BTNL9: variants seen among roughly 807,000 people sequenced by gnomAD.
BTNL9 encodes the protein butyrophilin like 9.
BTNL9 carries 45 observed loss-of-function variants against 45.8 expected under a neutral mutation model. The observed-to-expected ratio is 0.98, with a 90% CI of 0.77 to 1.26. The LOEUF (loss-of-function observed/expected upper bound fraction) is 1.26. BTNL9 is among the 50% of genes most tolerant of loss of function. The pLI, the probability that BTNL9 is intolerant of heterozygous loss-of-function variation, is 0.00. For missense variants in BTNL9, 784 were observed against 729.7 expected (o/e 1.07, Z -0.86); for synonymous variants, 346 against 330.8 (o/e 1.05, Z -0.50).
rs370200512 is a variant in BTNL9 at position 181,054,574 on chromosome 5, C to A, written c.907+315C>A. Reference sequence around the variant, plus strand: ...ATCCTTTTCTTTTTAATGCAAATGGCACTAGGAAGGGTGGCACCTTTAATT... The same window carrying A: ...ATCCTTTTCTTTTTAATGCAAATGGAACTAGGAAGGGTGGCACCTTTAATT... On this transcript the variant is annotated intron_variant, in intron 7 of 10. Transcript: ENST00000327705. 3.2e-5 allele frequency: 32 copies of A among 985,424 alleles called. No individual in the cohort carries two copies. The East Asian group carries it at 3.5e-3, about 108-fold the overall frequency. The allele number at this position is 985,424 out of a possible 1,614,324, so 61.0% of individuals were successfully genotyped here.
At chr5:181,054,139 A>G in intron 6 of BTNL9, 100 bp from the exon 7 acceptor site, 1 of 1,576,692 alleles carries the variant, frequency 6.3e-7, no homozygotes, top group Non-Finnish European at 8.6e-7. Context: ...GCCGCATCGG[A>G]GGTGAGGCCT....
rs1762063802 is a variant in BTNL9, at chr5:181,059,563, C to A, written c.1309C>A (p.Arg437Ser). ...CGAGTACTTCGTCCTGGCCCCGCAC[C>A]GCGTCGCGCTCACCCTGCGCGTGCC... ...GCEYFVLAPHRVALTLRVPPR... is the reference protein window; with the variant it reads ...GCEYFVLAPHSVALTLRVPPR... The change falls in exon 11 of 11, where the codon CGC becomes AGC. Residue 437 changes from arginine (R) to serine (S), a missense_variant. Transcript: ENST00000327705. 6.2e-7 allele frequency: 1 copy of A among 1,611,416 alleles called. No homozygotes were observed. Among genetic ancestry groups the A allele is most frequent in the Non-Finnish European group, 8.5e-7 (1 of 1,179,510 alleles).
In BTNL9 at chr5:181,055,155, C is replaced by T. The variant is rs1014434198; in HGVS notation, c.908-278C>T. On this transcript the variant is annotated intron_variant, in intron 7 of 10. Coordinates refer to ENST00000327705, the MANE Select transcript of BTNL9 (RefSeq NM_152547.5). The surrounding 1 kb of genome is among the most constrained non-coding windows in gnomAD (Gnocchi z 4.4). ...TTTCAGGCAGAAGGAACAACCCCAA[C>T]CCTGGGAAGAGGCCTGTCAGTACTA... 5.6e-6 allele frequency: 7 copies of T among 1,257,880 alleles called. No individual in the cohort carries two copies. The African/African-American group carries it at 7.7e-5, about 14-fold the overall frequency. The allele number at this position is 1,257,880 out of a possible 1,614,324, so 77.9% of individuals were successfully genotyped here.
At position 181,059,223 on chromosome 5, in the gene BTNL9, GT is replaced by G. The variant is rs1762033837; in HGVS notation, c.983-13del. On this transcript the variant is annotated splice_polypyrimidine_tract_variant and intron_variant, in intron 10 of 10. Transcript: ENST00000327705. ...ACCGTCCCGGGCGGGCACTAACGCT[GT>G]GGCTCTGCGCAGTGGATGTGACGCT... 11 of 1,525,790 alleles carry G rather than the reference GT, an allele frequency of 7.2e-6. No homozygotes were observed. The highest frequency in any genetic ancestry group is 1.4e-5 in the African/African-American group (1 of 71,078). The allele number at this position is 1,525,790 out of a possible 1,614,324, so 94.5% of individuals were successfully genotyped here.
chr5:181,046,550 C>G (rs1378910665), intron 2 of BTNL9, among the ~76,000 whole-genome samples: 3 of 152,162 alleles, frequency 2.0e-5, no homozygotes, highest in African/African-American at 7.2e-5. Flanking sequence ...ATTTCCTGGG[C>G]TGGAAACCAG....
Position 181,053,623 on chromosome 5 carries a change from G to C in BTNL9, c.886+122G>C, listed in dbSNP as rs1293656757. 2.1e-5 allele frequency: 33 copies of C among 1,545,734 alleles called. No homozygotes were observed. The highest frequency in any genetic ancestry group is 2.6e-5 in the Non-Finnish European group (30 of 1,143,820). ...CGCGAGGTGTCAGGGCGGCCACCGG[G>C]GAACGGGGATCGGTGACCCCGGTGG... On this transcript the variant is annotated intron_variant, in intron 6 of 10. Transcript: ENST00000327705. This position sits in a 1 kb window ranked among gnomAD's most constrained non-coding sequence, Gnocchi z 6.5.
In BTNL9 at chr5:181,058,385, G is replaced by A; in HGVS notation, c.982+7G>A. On this transcript the variant is annotated splice_region_variant and intron_variant, in intron 10 of 10. Transcript: ENST00000327705. ...GCAGCCCAAAAATATGCAGGTAACT[G>A]AAGCCAGGAAACTGATTTGTGTTTT... The A allele has an allele frequency of 6.2e-7, 1 of 1,614,114 alleles. No homozygotes were observed. The highest frequency in any genetic ancestry group is 8.5e-7 in the Non-Finnish European group (1 of 1,180,000).
Position 181,045,479 on chromosome 5 carries a change from G to A in BTNL9, c.-11G>A, listed in dbSNP as rs1457577857. The A allele has an allele frequency of 1.9e-6, 3 of 1,584,726 alleles. No homozygotes were observed. The highest frequency in any genetic ancestry group is 2.6e-6 in the Non-Finnish European group (3 of 1,153,990). On this transcript the variant is annotated 5_prime_UTR_variant, in exon 2 of 11. Transcript: ENST00000327705. Reference sequence around the variant, plus strand: ...TGTCCCTCTCCAGGTGGCCCCCACTGCTGACGAGAGATGGTGGACCTCTCA... The same window carrying A: ...TGTCCCTCTCCAGGTGGCCCCCACTACTGACGAGAGATGGTGGACCTCTCA...
Position 181,055,419 on chromosome 5 carries a change from T to C in BTNL9, c.908-14T>C, listed in dbSNP as rs748742004. On this transcript the variant is annotated splice_polypyrimidine_tract_variant and intron_variant, in intron 7 of 10. Coordinates refer to ENST00000327705, the MANE Select transcript of BTNL9 (RefSeq NM_152547.5). This position sits in a 1 kb window ranked among gnomAD's most constrained non-coding sequence, Gnocchi z 4.4. ...CCTGCAGGCTGAAGTTTTCTTTGTG[T>C]GTTCTGCTTGCAGAAAAGCTTCAGA... 6.2e-7 allele frequency: 1 copy of C among 1,614,040 alleles called. No individual in the cohort carries two copies. The highest frequency in any genetic ancestry group is 2.2e-5 in the East Asian group (1 of 44,886).
chr5:181,058,087 A>T (rs766450600), intron 9 of BTNL9, among the ~76,000 whole-genome samples: 4 of 152,050 alleles, frequency 2.6e-5, no homozygotes, highest in African/African-American at 4.8e-5. Context: ...CTTTACCTAC[A>T]TGCTCCACTC....
At position 181,045,032 on chromosome 5, in the gene BTNL9, C is replaced by T. The variant is rs186798052; in HGVS notation, c.-23-435C>T. Among the ~76,000 whole-genome samples the T allele has an allele frequency of 6.6e-5, 10 of 152,182 alleles. No individual in the cohort carries two copies. The East Asian group carries it at 1.9e-3, about 29-fold the overall frequency. The stretch of plus-strand genomic sequence containing the variant: ...TGTTCCAGACCAAAGGGAAGTGGGA[C>T]GAAGGTTGGGTTGGTGGTGGTGAGG... On this transcript the variant is annotated intron_variant, in intron 1 of 10. Transcript: ENST00000327705.
intron 2 of BTNL9, among the ~76,000 whole-genome samples, chr5:181,046,698 C>T (rs558259240): frequency 1.4e-5 from 2 of 143,876 alleles, no homozygotes; most frequent in African/African-American, 2.8e-5. Flanking sequence ...AGAGAGAGAG[C>T]GAGAGAGAGA....
intron 9 of BTNL9, among the ~76,000 whole-genome samples, 192 bp from the exon 10 acceptor site, chr5:181,058,160 T>TA (rs1761980427): frequency 6.6e-6 from 1 of 152,198 alleles, no homozygotes; most frequent in African/African-American, 2.4e-5. Context: ...CACAGGCCTC[T>TA]ACTCAATCTA....
At chr5:181,047,829 T>G (rs1232162411) in intron 2 of BTNL9, 98 bp from the exon 3 acceptor site, 4 of 1,087,770 alleles carry the variant, frequency 3.7e-6, no homozygotes, top group Admixed American at 2.7e-5. Context: ...TTCTTGTTTT[T>G]ATGGTTTACT....
At chr5:181,046,603 C>G (rs970793778) in intron 2 of BTNL9, among the ~76,000 whole-genome samples, 2 of 152,008 alleles carry the variant, frequency 1.3e-5, no homozygotes, top group African/African-American at 2.4e-5. Context: ...CTTCAGCAGT[C>G]TGTAGTCAAG....
intron 3 of BTNL9, among the ~76,000 whole-genome samples, chr5:181,048,851 A>G: frequency 7.4e-6 from 1 of 135,776 alleles, no homozygotes; most frequent in Non-Finnish European, 1.5e-5. Flanking sequence ...TTAGTTATAT[A>G]ATATTATATA....
In BTNL9 at chr5:181,050,379, TGTTA is replaced by T. The variant is rs763589916; in HGVS notation, c.736+12_736+15del. On this transcript the variant is annotated intron_variant, in intron 4 of 10. Coordinates refer to ENST00000327705, the MANE Select transcript of BTNL9 (RefSeq NM_152547.5). The surrounding 1 kb of genome is among the most constrained non-coding windows in gnomAD (Gnocchi z 4.9). ...GTGGTCCAGATAGCAGGTCAGTGGC[TGTTA>T]GCTCACACCCATCTTCCTAGTCCTC... 2 of 1,613,174 alleles carry T rather than the reference TGTTA, an allele frequency of 1.2e-6. No individual in the cohort carries two copies. Among genetic ancestry groups the T allele is most frequent in the Non-Finnish European group, 1.7e-6 (2 of 1,179,530 alleles).
At chr5:181,044,143 C>G (rs1760957418) in intron 1 of BTNL9, among the ~76,000 whole-genome samples, 1 of 152,158 alleles carries the variant, frequency 6.6e-6, no homozygotes, top group African/African-American at 2.4e-5. Context: ...CTGGGTGCCT[C>G]CTAGCCTAAG....
chr5:181,048,363 G>A (rs1007057118), intron 3 of BTNL9, 92 bp downstream of exon 3: 31 of 1,212,202 alleles, frequency 2.6e-5, no homozygotes, highest in East Asian at 7.4e-5. Flanking sequence ...GAAGAATGTC[G>A]GTGATTTTTA....
Sources: gnomAD v4.1 joint callset for allele counts (sites outside exome capture counted in the v4.1 genomes callset) on GRCh38, gnomAD v4.1.1 for gene constraint, Gnocchi (gnomAD v3.1) non-coding constraint, MANE v1.5 for transcripts, NCBI Gene and HGNC (gene_info 2026-07-23, HGNC 2026-07-21) for gene names.